Variants in MALRD1 observed in about 807,000 individuals in gnomAD.
MALRD1 encodes MAM and LDL receptor class A domain containing 1, also known as MAM and LDL-receptor class A domain-containing protein 1.
A neutral mutation model predicts 242.1 loss-of-function variants in MALRD1; 247 were observed. The observed-to-expected ratio is 1.02, with a 90% CI of 0.92 to 1.13. The LOEUF is 1.13. Among genes scored for constraint, MALRD1 ranks in the 50% most tolerant of loss-of-function variants. The pLI is 0.00. For missense variants in MALRD1, 2,989 were observed against 2,533.1 expected (o/e 1.18, Z -3.86); for synonymous variants, 995 against 866.6 (o/e 1.15, Z -2.60).
At chr10:19,618,608 C>T (rs79840777) in intron 36 of MALRD1, among the ~76,000 whole-genome samples, 2,064 of 151,980 alleles carry the variant, frequency 0.014, 35 homozygotes, top group African/African-American at 0.047. Context: ...TTTTCATATG[C>T]TTATTGGCAG....
At chr10:19,499,320 A>T (rs1204101232) in intron 31 of MALRD1, among the ~76,000 whole-genome samples, 2 of 152,092 alleles carry the variant, frequency 1.3e-5, no homozygotes, top group Admixed American at 6.5e-5. Context: ...GATATTTGTG[A>T]TGCTAATTTT....
intron 12 of MALRD1, among the ~76,000 whole-genome samples, chr10:19,163,306 C>T (rs1361763768): frequency 4.6e-5 from 7 of 151,732 alleles, no homozygotes; most frequent in Non-Finnish European, 8.8e-5. Context: ...ATATGTACTG[C>T]GGAATATGCA....
intron 26 of MALRD1, among the ~76,000 whole-genome samples, chr10:19,384,586 A>G (rs1161882874): frequency 2.0e-4 from 25 of 126,246 alleles, no homozygotes; most frequent in East Asian, 2.1e-4. Context: ...AATATTTACT[A>G]TATATTATAT....
At chr10:19,667,068 T>A (rs1841709899) in intron 36 of MALRD1, among the ~76,000 whole-genome samples, 1 of 152,130 alleles carries the variant, frequency 6.6e-6, no homozygotes, top group Non-Finnish European at 1.5e-5. Flanking sequence ...TAAGGATTCT[T>A]TGATATCCAA....
chr10:19,514,535 A>G (rs1833544657), intron 31 of MALRD1, among the ~76,000 whole-genome samples: 1 of 152,148 alleles, frequency 6.6e-6, no homozygotes, highest in Non-Finnish European at 1.5e-5. Context: ...GTCTTGAAAA[A>G]TAAGAGGTTT....
intron 29 of MALRD1, among the ~76,000 whole-genome samples, chr10:19,469,986 G>A (rs1368890105): frequency 3.9e-5 from 6 of 151,906 alleles, no homozygotes; most frequent in African/African-American, 1.4e-4. Context: ...TACCTTCTTA[G>A]CAAATTTTAA....
At chr10:19,229,996 T>C (rs1359922834) in intron 18 of MALRD1, among the ~76,000 whole-genome samples, 3 of 152,148 alleles carry the variant, frequency 2.0e-5, no homozygotes, top group Admixed American at 1.3e-4. Flanking sequence ...GTTTTCCCCA[T>C]ACTGTTCTAG....
chr10:19,131,486 A>C (rs192644281), intron 8 of MALRD1, among the ~76,000 whole-genome samples: 2 of 152,302 alleles, frequency 1.3e-5, no homozygotes, highest in Admixed American at 6.5e-5. Context: ...TGATCTATAA[A>C]ATAATACTCA....
At chr10:19,147,938 A>C (rs1447195276) in intron 11 of MALRD1, among the ~76,000 whole-genome samples, 2 of 152,154 alleles carry the variant, frequency 1.3e-5, no homozygotes, top group African/African-American at 4.8e-5. Flanking sequence ...TTAGGGATGA[A>C]AGACGTGTGT....
At chr10:19,059,985 G>A (rs1564366242) in intron 1 of MALRD1, among the ~76,000 whole-genome samples, 1 of 152,186 alleles carries the variant, frequency 6.6e-6, no homozygotes, top group Non-Finnish European at 1.5e-5. Context: ...TATTAGCAAA[G>A]GCAGTCAATA....
chr10:19,070,208 A>C (rs1279820278), intron 2 of MALRD1, among the ~76,000 whole-genome samples: 2 of 152,110 alleles, frequency 1.3e-5, no homozygotes, highest in African/African-American at 4.8e-5. Flanking sequence ...TGTCTCAATA[A>C]ATCCATCATA....
chr10:19,353,395 A>G (rs1332863499), intron 26 of MALRD1, among the ~76,000 whole-genome samples: 2 of 152,218 alleles, frequency 1.3e-5, no homozygotes, highest in Non-Finnish European at 1.5e-5. Flanking sequence ...TAATTGATGA[A>G]TATAAAAATG....
rs556864526 is a variant in MALRD1 at position 19,249,409 on chromosome 10, CAT to C, written c.2992-8274_2992-8273del. Among the ~76,000 whole-genome samples, 20 of 151,484 alleles carry C rather than the reference CAT, an allele frequency of 1.3e-4. No homozygotes were observed. In the South Asian group the frequency reaches 1.9e-3, roughly 14 times the overall value. On this transcript the variant is annotated intron_variant, in intron 18 of 39. Transcript: ENST00000454679. ...ATTAGCGTAATCAGTATCTTTGGCA[CAT>C]GTTTTTTTTTTGATAATTATATGTC...
chr10:19,336,246 C>G (rs1252880037), intron 24 of MALRD1, among the ~76,000 whole-genome samples: 1 of 152,146 alleles, frequency 6.6e-6, no homozygotes, highest in Non-Finnish European at 1.5e-5. Context: ...GCCATTGATA[C>G]AGAGACTTCT....
chr10:19,278,343 T>A lies in MALRD1; in HGVS notation c.3080-1704T>A, dbSNP rs1040088626. On this transcript the variant is annotated intron_variant, in intron 19 of 39. Coordinates refer to ENST00000454679, the MANE Select transcript of MALRD1 (RefSeq NM_001142308.3). ...AGCTTGCCACGGCATCTTATTTGAC[T>A]CCCATCTGATATATGGTTTTCCTCT... is the stretch of plus-strand genomic sequence containing the variant. 1.5e-4 allele frequency among the ~76,000 whole-genome samples: 23 copies of A among 152,324 alleles called. 1 individual carries two copies. Among genetic ancestry groups the A allele is most frequent in the African/African-American group, 5.5e-4 (23 of 41,572 alleles).
rs925638702 is a variant in MALRD1 at position 19,324,094 on chromosome 10, G to T, written c.3565G>T (p.Gly1189Cys). 2 of 1,549,844 alleles carry T rather than the reference G, an allele frequency of 1.3e-6. No homozygotes were observed. Among genetic ancestry groups the T allele is most frequent in the East Asian group, 2.4e-5 (1 of 40,876 alleles). Reference sequence around the variant, plus strand: ...GACACATATGAATGGGGCCACCGTTGGTTCTCTCCAGGTACTGCTTAGGCA... The same window carrying T: ...GACACATATGAATGGGGCCACCGTTTGTTCTCTCCAGGTACTGCTTAGGCA... Reference protein sequence around the residue: ...FWTHMNGATVGSLQVLIKKDN... With the variant: ...FWTHMNGATVCSLQVLIKKDN... The change falls in exon 22 of 40, where the codon GGT (glycine) becomes TGT (cysteine). Residue 1189 changes from glycine (G) to cysteine (C), a missense_variant. Coordinates refer to ENST00000454679, the MANE Select transcript of MALRD1 (RefSeq NM_001142308.3).
chr10:19,671,264 T>G (rs1386471837), intron 36 of MALRD1, among the ~76,000 whole-genome samples: 8 of 152,276 alleles, frequency 5.3e-5, no homozygotes, highest in Non-Finnish European at 1.5e-5. Flanking sequence ...TGATATACAT[T>G]TATTATTTTG....
At chr10:19,501,968 G>T (rs1837991692) in intron 31 of MALRD1, among the ~76,000 whole-genome samples, 1 of 146,528 alleles carries the variant, frequency 6.8e-6, no homozygotes, top group African/African-American at 2.5e-5. Flanking sequence ...GATTGAGGCT[G>T]CAGTGTCGTG....
intron 29 of MALRD1, among the ~76,000 whole-genome samples, chr10:19,465,032 AG>A (rs1395031863): frequency 2.0e-5 from 3 of 149,638 alleles, no homozygotes; most frequent in Non-Finnish European, 4.4e-5. Flanking sequence ...GTTGTTGTAT[AG>A]CAGGGCTACT....
Sources: allele counts gnomAD v4.1 joint callset (sites outside exome capture counted in the v4.1 genomes callset), GRCh38; gene constraint gnomAD v4.1.1; transcripts MANE v1.5; gene names NCBI Gene and HGNC (gene_info 2026-07-23, HGNC 2026-07-21).